Variants in RAB40C observed in about 807,000 individuals in gnomAD.
RAB40C encodes RAB40C, member RAS oncogene family.
RAB40C carries 8 observed loss-of-function variants against 28.1 expected under a neutral mutation model. That is an observed-to-expected ratio of 0.28 (90% CI 0.17 to 0.51). RAB40C has a LOEUF of 0.51. Ranked by LOEUF, RAB40C falls within the 20% of genes least tolerant of loss-of-function variation. The pLI is 0.97. For synonymous variants in RAB40C, 201 were observed against 171.7 expected (o/e 1.17, Z -1.34); for missense variants, 288 against 405.9 (o/e 0.71, Z 2.50).
chr16:591,503 C>T (rs1472218463), intron 1 of RAB40C, among the ~76,000 whole-genome samples: 1 of 152,178 alleles, frequency 6.6e-6, no homozygotes, highest in Admixed American at 6.5e-5. Context: ...TATTTGCTTA[C>T]TGCTGAGGGA....
rs1440730284 is a variant in RAB40C at position 610,461 on chromosome 16, G to A, written c.143-6747G>A. Among the ~76,000 whole-genome samples, 2 of 152,148 alleles carry A rather than the reference G, an allele frequency of 1.3e-5. No individual in the cohort carries two copies. The highest frequency in any genetic ancestry group is 2.9e-5 in the Non-Finnish European group (2 of 68,004). ...CTGGTGCTGCGTGAGGCCTCAGTGGGCCTGCACGGAGCAGCTGACCTTCAC... is the reference window on the plus strand; with the variant it reads ...CTGGTGCTGCGTGAGGCCTCAGTGGACCTGCACGGAGCAGCTGACCTTCAC... On this transcript the variant is annotated intron_variant, in intron 1 of 5. Transcript: ENST00000248139. The surrounding 1 kb of genome is among the most constrained non-coding windows in gnomAD (Gnocchi z 4.6).
intron 3 of RAB40C, among the ~76,000 whole-genome samples, chr16:623,584 C>T (rs974914324): frequency 4.8e-5 from 7 of 146,568 alleles, no homozygotes; most frequent in African/African-American, 1.0e-4. Flanking sequence ...AACCCGGAAG[C>T]GGAGATCGTG....
In RAB40C at chr16:597,231, G is replaced by A. The variant is rs572536513; in HGVS notation, c.142+6798G>A. ...CTGACCATGGCTTACAGAGGGCTTG[G>A]TGCTGGGGGGCCTGGAGTTGTGGAA... On this transcript the variant is annotated intron_variant, in intron 1 of 5. Coordinates refer to ENST00000248139, the MANE Select transcript of RAB40C (RefSeq NM_021168.5). Among the ~76,000 whole-genome samples the A allele has an allele frequency of 1.4e-3, 208 of 152,236 alleles. 3 individuals carry two copies. The highest frequency in any genetic ancestry group is 4.5e-3 in the African/African-American group (185 of 41,530).
intron 1 of RAB40C, among the ~76,000 whole-genome samples, chr16:605,238 G>T (rs1203816919): frequency 1.3e-5 from 2 of 152,160 alleles, no homozygotes; most frequent in African/African-American, 4.8e-5. Flanking sequence ...AGAGAAAACT[G>T]TTTGCTCAAG....
At chr16:607,699 G>A (rs1011849322) in intron 1 of RAB40C, among the ~76,000 whole-genome samples, 22 of 152,148 alleles carry the variant, frequency 1.4e-4, no homozygotes, top group African/African-American at 5.3e-4. Flanking sequence ...GCTGAGGCAG[G>A]AGAATGGCAT....
chr16:594,397 G>A lies in RAB40C; in HGVS notation c.142+3964G>A, dbSNP rs546928406. ...GCTAACATCACGGTTTGCTGTGGAT[G>A]TTGGGGCCTGGTGGTCACTGAGATG... On this transcript the variant is annotated intron_variant, in intron 1 of 5. Coordinates refer to ENST00000248139, the MANE Select transcript of RAB40C (RefSeq NM_021168.5). Among the ~76,000 whole-genome samples, 6 of 152,332 alleles carry A rather than the reference G, an allele frequency of 3.9e-5. No individual in the cohort carries two copies. In the East Asian group the frequency reaches 1.2e-3, roughly 29 times the overall value.
At chr16:624,019 CA>C in intron 3 of RAB40C, 1 of 985,448 alleles carries the variant, frequency 1.0e-6, no homozygotes, top group Non-Finnish European at 1.2e-6. Context: ...GGCCAGCATG[CA>C]CGCTTTTACA....
intron 1 of RAB40C, among the ~76,000 whole-genome samples, chr16:600,135 T>C (rs928613707): frequency 1.3e-4 from 20 of 152,176 alleles, no homozygotes; most frequent in Non-Finnish European, 1.9e-4. Context: ...GCCCCCTTGA[T>C]GTTGGAGCCT....
At chr16:589,364 G>A (rs1410233920), upstream of RAB40C, 1 of 152,272 alleles carries the variant, frequency 6.6e-6, no homozygotes, top group East Asian at 1.9e-4. Flanking sequence ...ACGCGCCCGG[G>A]GCCACCCCGC....
chr16:603,831 G>T (rs1288144915), intron 1 of RAB40C, among the ~76,000 whole-genome samples: 1 of 152,112 alleles, frequency 6.6e-6, no homozygotes, highest in African/African-American at 2.4e-5. Context: ...TCCTGTTCCA[G>T]ACATCATGGA....
chr16:607,180 C>T (rs570573177), intron 1 of RAB40C, among the ~76,000 whole-genome samples: 1 of 152,342 alleles, frequency 6.6e-6, no homozygotes, highest in South Asian at 2.1e-4. Flanking sequence ...ACTCCCCAGA[C>T]CACCAGCACG....
intron 1 of RAB40C, among the ~76,000 whole-genome samples, chr16:608,904 C>T (rs2036421452): frequency 6.6e-6 from 1 of 152,120 alleles, no homozygotes; most frequent in South Asian, 2.1e-4. Context: ...TGCTTGAGCT[C>T]AGGAGCTCAA....
chr16:599,327 G>T (rs1199027611), intron 1 of RAB40C, among the ~76,000 whole-genome samples: 1 of 152,218 alleles, frequency 6.6e-6, no homozygotes, highest in African/African-American at 2.4e-5. Flanking sequence ...GCCCGTGTCG[G>T]CCGGCCACAG....
At chr16:606,876 C>G (rs926470976) in intron 1 of RAB40C, among the ~76,000 whole-genome samples, 4 of 152,210 alleles carry the variant, frequency 2.6e-5, no homozygotes, top group African/African-American at 7.2e-5. Flanking sequence ...AATCTCCCAC[C>G]TCGAGATCCG....
chr16:626,184 A>G lies in RAB40C; in HGVS notation c.565+63A>G, dbSNP rs189927988. 320 of 1,495,834 alleles carry G rather than the reference A, an allele frequency of 2.1e-4. 1 individual carries two copies. In the African/African-American group the frequency reaches 4.1e-3, roughly 19 times the overall value. 92.7% of individuals were successfully genotyped at this position (1,495,834 alleles called of 1,614,324 possible). On this transcript the variant is annotated intron_variant, in intron 5 of 5. Coordinates refer to ENST00000248139, the MANE Select transcript of RAB40C (RefSeq NM_021168.5). The stretch of plus-strand genomic sequence containing the variant: ...AACCTGGGCTGCCCTGATCACATGG[A>G]GGCTGAGGGGGGCCAGGGGCCAGTG...
intron 1 of RAB40C, among the ~76,000 whole-genome samples, chr16:604,589 C>T (rs777487194): frequency 9.3e-5 from 14 of 150,880 alleles, no homozygotes; most frequent in African/African-American, 1.5e-4. Context: ...CTAGAATACA[C>T]GTGAGTCCTT....
At chr16:607,460 G>A (rs1278902631) in intron 1 of RAB40C, among the ~76,000 whole-genome samples, 1 of 145,756 alleles carries the variant, frequency 6.9e-6, no homozygotes, top group Admixed American at 6.9e-5. Flanking sequence ...CTGATATTGC[G>A]CCACCACACT....
chr16:603,330 C>T (rs2036294334), intron 1 of RAB40C, among the ~76,000 whole-genome samples: 1 of 152,230 alleles, frequency 6.6e-6, no homozygotes, highest in African/African-American at 2.4e-5. Flanking sequence ...CCTTTACTGT[C>T]CTCCATCAGG....
chr16:595,250 C>A (rs1292336931), intron 1 of RAB40C, among the ~76,000 whole-genome samples: 1 of 152,082 alleles, frequency 6.6e-6, no homozygotes, highest in East Asian at 1.9e-4. Context: ...TCCGCTGCCC[C>A]CGTGTAGCCC....
Sources: allele counts gnomAD v4.1 joint callset (sites outside exome capture counted in the v4.1 genomes callset), GRCh38; gene constraint gnomAD v4.1.1; non-coding constraint Gnocchi (gnomAD v3.1); transcripts MANE v1.5; gene names NCBI Gene and HGNC (gene_info 2026-07-23, HGNC 2026-07-21).